The following PDE1A variants were observed in gnomAD, a reference collection of about 807,000 sequenced individuals.
PDE1A encodes dual specificity calcium/calmodulin-dependent 3',5'-cyclic nucleotide phosphodiesterase 1A.
In PDE1A, 35 loss-of-function variants were observed where a neutral mutation model predicts 61.7. That is an observed-to-expected ratio of 0.57 (90% confidence interval 0.43 to 0.75). The LOEUF (loss-of-function observed/expected upper bound fraction) is 0.75, where lower values mean the gene tolerates loss of function less well. Among genes scored for constraint, PDE1A ranks in the 30% least tolerant of loss-of-function variants. PDE1A has a pLI of 0.00. For missense variants in PDE1A, 597 were observed against 630.6 expected, an observed-to-expected ratio of 0.95 and a Z score of 0.57; for synonymous variants, 232 against 213.2, an observed-to-expected ratio of 1.09 and a Z score of -0.77.
At chr2:182,637,094 TC>T in the PDE1A span, among the ~76,000 whole-genome samples, 1 of 152,248 alleles carries the variant, frequency 6.6e-6, no homozygotes, top group East Asian at 1.9e-4. Flanking sequence ...CCCAGGATAA[TC>T]TTCCTATTTT....
intron 1 of PDE1A, among the ~76,000 whole-genome samples, chr2:182,355,993 T>C (rs1699155573): frequency 6.6e-6 from 1 of 152,242 alleles, no homozygotes; most frequent in South Asian, 2.1e-4. Context: ...TGGATAATAG[T>C]TTCTAGCATG....
intron 1 of PDE1A, among the ~76,000 whole-genome samples, chr2:182,422,068 C>T (rs1200100119): frequency 6.6e-6 from 1 of 152,154 alleles, no homozygotes. Context: ...CTGTGAAGAT[C>T]CCAATATGAT....
At chr2:182,250,776 T>C (rs1691341543) in intron 2 of PDE1A, among the ~76,000 whole-genome samples, 1 of 152,086 alleles carries the variant, frequency 6.6e-6, no homozygotes, top group Non-Finnish European at 1.5e-5. Flanking sequence ...GTAAGGATAA[T>C]GTTGAAGTTA....
intron 1 of PDE1A, among the ~76,000 whole-genome samples, chr2:182,290,114 TTTACTC>T (rs1694429871): frequency 6.6e-6 from 1 of 152,104 alleles, no homozygotes; most frequent in South Asian, 2.1e-4. Flanking sequence ...AAAAGTCTCT[TTTACTC>T]TAAAGCAATA....
the PDE1A span, among the ~76,000 whole-genome samples, chr2:182,607,605 G>T: frequency 6.6e-6 from 1 of 152,108 alleles, no homozygotes; most frequent in Non-Finnish European, 1.5e-5. Flanking sequence ...ATCCACGTTT[G>T]GTTGAAAAAA....
intron 1 of PDE1A, among the ~76,000 whole-genome samples, chr2:182,400,861 T>C (rs1485120614): frequency 6.6e-6 from 1 of 152,214 alleles, no homozygotes; most frequent in East Asian, 1.9e-4. Context: ...TAAAGTTTAG[T>C]AGAGAAACCA....
exon 15 of PDE1A, chr2:182,141,824 C>A (rs4666577): frequency 0.69 from 104,977 of 152,002 alleles, 36,590 homozygotes; most frequent in East Asian, 0.89. Flanking sequence ...TTCTTTCCAG[C>A]CAATTTTTAC....
chr2:182,166,556 T>A (rs750650300), downstream of PDE1A, among the ~76,000 whole-genome samples: 3 of 152,178 alleles, frequency 2.0e-5, no homozygotes, highest in Non-Finnish European at 4.4e-5. Context: ...TTTCCTGGTT[T>A]CTCGGCTTTT....
At chr2:182,406,181 G>A (rs1702286456) in intron 1 of PDE1A, among the ~76,000 whole-genome samples, 1 of 151,872 alleles carries the variant, frequency 6.6e-6, no homozygotes. Context: ...CCATTTTACA[G>A]ATGAAATAAA....
the PDE1A span, among the ~76,000 whole-genome samples, chr2:182,697,774 T>C: frequency 6.6e-6 from 1 of 152,218 alleles, no homozygotes; most frequent in Non-Finnish European, 1.5e-5. Context: ...AGGACGCATT[T>C]CACATAGCTC....
At chr2:182,688,357 G>C in the PDE1A span, among the ~76,000 whole-genome samples, 1 of 152,204 alleles carries the variant, frequency 6.6e-6, no homozygotes, top group African/African-American at 2.4e-5. Flanking sequence ...AGCCAGAAAA[G>C]AGTGGGGGCC....
At chr2:182,150,479 C>T (rs1690719274) in intron 13 of PDE1A, among the ~76,000 whole-genome samples, 1 of 152,168 alleles carries the variant, frequency 6.6e-6, no homozygotes, top group African/African-American at 2.4e-5. Flanking sequence ...ATATAGAAAG[C>T]TGCTCATTAG....
At chr2:182,684,902 C>T in the PDE1A span, among the ~76,000 whole-genome samples, 34 of 151,758 alleles carry the variant, frequency 2.2e-4, no homozygotes, top group African/African-American at 7.0e-4. Flanking sequence ...TTCATATATA[C>T]GTATATAAAT....
intron 2 of PDE1A, among the ~76,000 whole-genome samples, chr2:182,479,435 G>T (rs1687571029): frequency 6.6e-6 from 1 of 151,696 alleles, no homozygotes; most frequent in Admixed American, 6.6e-5. Flanking sequence ...CTAATTAACA[G>T]AATCATTGAT....
At chr2:182,418,754 G>A (rs1703082229) in intron 1 of PDE1A, among the ~76,000 whole-genome samples, 1 of 151,998 alleles carries the variant, frequency 6.6e-6, no homozygotes, top group South Asian at 2.1e-4. Context: ...TTTTAAATGG[G>A]ACAGTAACAA....
intron 1 of PDE1A, among the ~76,000 whole-genome samples, chr2:182,340,108 C>T (rs546979196): frequency 3.9e-5 from 6 of 152,112 alleles, no homozygotes; most frequent in Admixed American, 6.5e-5. Context: ...CCAAGGTAAA[C>T]GTTAAAATGA....
intron 1 of PDE1A, among the ~76,000 whole-genome samples, chr2:182,379,158 TA>T (rs539237516): frequency 3.3e-5 from 5 of 151,736 alleles, no homozygotes; most frequent in South Asian, 4.2e-4. Flanking sequence ...TTCAACAGTG[TA>T]AAAAAAAATT....
chr2:182,186,085 A>G lies in PDE1A; in HGVS notation c.1329-6T>C. ...ACCCCACAATGGTGGTTGAGCTAAC[A>G]GTAACAACCAAAGAAACCAAAAAAC... On this transcript the variant is annotated splice_region_variant and splice_polypyrimidine_tract_variant and intron_variant, in intron 12 of 13. Transcript: ENST00000351439. The G allele has an allele frequency of 3.1e-6, 5 of 1,612,238 alleles. No homozygotes were observed. The highest frequency in any genetic ancestry group is 1.1e-5 in the South Asian group (1 of 91,048).
At chr2:182,149,347 A>G (rs911223825) in intron 13 of PDE1A, among the ~76,000 whole-genome samples, 1 of 152,226 alleles carries the variant, frequency 6.6e-6, no homozygotes, top group Admixed American at 6.5e-5. Context: ...ATCAAATGGC[A>G]ACAAGGCAGC....
Sources: gnomAD v4.1 joint callset for allele counts (sites outside exome capture counted in the v4.1 genomes callset) on GRCh38, gnomAD v4.1.1 for gene constraint, MANE v1.5 for transcripts, NCBI Gene and HGNC (gene_info 2026-07-23, HGNC 2026-07-21) for gene names.